DAB1: variants seen among roughly 807,000 people sequenced by gnomAD.
DAB1 encodes the protein DAB adaptor protein 1.
A neutral mutation model predicts 64.6 loss-of-function variants in DAB1; 15 were observed. That is an observed-to-expected ratio of 0.23 (90% CI 0.16 to 0.36). DAB1 has a LOEUF of 0.36. Ranked by LOEUF, DAB1 falls within the 10% of genes least tolerant of loss-of-function variation. DAB1 has a pLI of 1.00. For synonymous variants in DAB1, 235 were observed against 251.9 expected (o/e 0.93, Z 0.64); for missense variants, 596 against 706.7 (o/e 0.84, Z 1.78).
In DAB1 at chr1:58,241,358, G is replaced by A. The variant is rs559551422; in HGVS notation, n.310-90770C>T. Among the ~76,000 whole-genome samples, 7 of 140,866 alleles carry A rather than the reference G, an allele frequency of 5.0e-5. No individual in the cohort carries two copies. In the South Asian group the frequency reaches 1.8e-3, roughly 36 times the overall value. The allele number at this position is 140,866 out of a possible 152,430, so 92.4% of individuals were successfully genotyped here. A position where few individuals can be genotyped will look rare whatever the true frequency, so the allele number is the denominator to read the frequency against. The stretch of plus-strand genomic sequence containing the variant: ...AACAAATCATTTCCTACAATCCATT[G>A]TTAAATGAAATACATTTGGATAGTC... On this transcript the variant is annotated intron_variant and non_coding_transcript_variant, in intron 4 of 20. Coordinates refer to the DAB1 transcript ENST00000485760.
rs189858046 is a variant in DAB1, at chr1:57,552,973, G to A, written n.625+96619C>T. ...AGGGGCCGATTGTATGAGGCTTCTGGGAAAGAGTAGAGGAAGGAGACTGGG... is the reference window on the plus strand; with the variant it reads ...AGGGGCCGATTGTATGAGGCTTCTGAGAAAGAGTAGAGGAAGGAGACTGGG... On this transcript the variant is annotated intron_variant and non_coding_transcript_variant, in intron 7 of 20. Transcript: ENST00000485760. 1.7e-3 allele frequency among the ~76,000 whole-genome samples: 263 copies of A among 152,224 alleles called. 1 individual carries two copies. Among genetic ancestry groups the A allele is most frequent in the Middle Eastern group, 3.4e-3 (1 of 294 alleles).
intron 1 of DAB1, among the ~76,000 whole-genome samples, chr1:57,879,044 C>G (rs1644100688): frequency 6.6e-6 from 1 of 152,042 alleles, no homozygotes; most frequent in African/African-American, 2.4e-5. Context: ...CATTTTGTAT[C>G]TATATCTCAT....
intron 4 of DAB1, among the ~76,000 whole-genome samples, chr1:58,339,779 CAG>C (rs1663207765): frequency 6.6e-6 from 1 of 152,124 alleles, no homozygotes; most frequent in Non-Finnish European, 1.5e-5. Context: ...ATTTTCCAAA[CAG>C]AAATATTTTA....
upstream of DAB1, among the ~76,000 whole-genome samples, chr1:57,887,784 T>C (rs999102291): frequency 5.3e-5 from 8 of 152,102 alleles, no homozygotes; most frequent in African/African-American, 1.9e-4. Context: ...CCCAAATGAA[T>C]ATAATCTCCT....
intron 5 of DAB1, among the ~76,000 whole-genome samples, chr1:57,989,247 C>T (rs1376758225): frequency 6.6e-6 from 1 of 151,980 alleles, no homozygotes; most frequent in Non-Finnish European, 1.5e-5. Context: ...TACCTGATCC[C>T]CCTCCTCTCG....
chr1:58,150,234 C>A (rs1654844187), intron 5 of DAB1, among the ~76,000 whole-genome samples: 1 of 152,168 alleles, frequency 6.6e-6, no homozygotes, highest in African/African-American at 2.4e-5. Context: ...CCAAGGCACC[C>A]ACATATTCTC....
At chr1:58,015,175 C>T (rs563729017) in intron 5 of DAB1, among the ~76,000 whole-genome samples, 169 of 152,326 alleles carry the variant, frequency 1.1e-3, no homozygotes, top group Admixed American at 2.7e-3. Context: ...AGTGTCTTTG[C>T]CATTTTGGCC....
At chr1:57,012,018 C>T (rs1479747834) in intron 12 of DAB1, among the ~76,000 whole-genome samples, 3 of 152,116 alleles carry the variant, frequency 2.0e-5, no homozygotes, top group Non-Finnish European at 4.4e-5. Context: ...CTGGGCTGAC[C>T]CACCCACATC....
At position 58,093,816 on chromosome 1, in the gene DAB1, C is replaced by T. The variant is rs181521725; in HGVS notation, n.387+56695G>A. Among the ~76,000 whole-genome samples, 6 of 152,214 alleles carry T rather than the reference C, an allele frequency of 3.9e-5. No homozygotes were observed. The East Asian group carries it at 1.2e-3, about 29-fold the overall frequency. Reference sequence around the variant, plus strand: ...ACTACTTGAGACTGGGAACGGGAGCCTAGGATGGGCTCCTGGCACAGGGAG... The same window carrying T: ...ACTACTTGAGACTGGGAACGGGAGCTTAGGATGGGCTCCTGGCACAGGGAG... On this transcript the variant is annotated intron_variant and non_coding_transcript_variant, in intron 5 of 20. Transcript: ENST00000485760.
At chr1:57,017,186 C>T (rs17114822) in intron 11 of DAB1, among the ~76,000 whole-genome samples, 1,795 of 152,186 alleles carry the variant, frequency 0.012, 38 homozygotes, top group African/African-American at 0.041. Context: ...ACACAATGGC[C>T]ACCTCTATGT....
chr1:57,474,337 T>C (rs1449240023), intron 7 of DAB1, among the ~76,000 whole-genome samples: 1 of 152,238 alleles, frequency 6.6e-6, no homozygotes, highest in Non-Finnish European at 1.5e-5. Flanking sequence ...TGCCTCTGTT[T>C]CTTCCATCTT....
intron 3 of DAB1, among the ~76,000 whole-genome samples, chr1:58,491,453 A>T (rs1645687721): frequency 1.3e-5 from 2 of 152,188 alleles, no homozygotes; most frequent in Admixed American, 6.5e-5. Context: ...TGTTCCAATC[A>T]AAAGACACAG....
At chr1:57,031,079 G>C (rs1008823031) in intron 9 of DAB1, among the ~76,000 whole-genome samples, 1 of 152,126 alleles carries the variant, frequency 6.6e-6, no homozygotes, top group African/African-American at 2.4e-5. Flanking sequence ...TCATACTTGA[G>C]ATATAGACTT....
intron 1 of DAB1, among the ~76,000 whole-genome samples, chr1:57,348,107 G>A (rs1225310379): frequency 2.6e-5 from 4 of 152,096 alleles, no homozygotes; most frequent in East Asian, 1.9e-4. Context: ...AATTTACCTC[G>A]AATAACATAT....
chr1:57,024,260 A>G (rs1199201457), intron 10 of DAB1, among the ~76,000 whole-genome samples: 1 of 152,166 alleles, frequency 6.6e-6, no homozygotes, highest in Non-Finnish European at 1.5e-5. Context: ...ACAACAAGAA[A>G]CAATGCTTGC....
intron 7 of DAB1, among the ~76,000 whole-genome samples, chr1:57,540,934 A>AT (rs1369171947): frequency 5.9e-5 from 9 of 152,304 alleles, no homozygotes; most frequent in African/African-American, 1.9e-4. Flanking sequence ...ATACTTAACA[A>AT]CAATGTACTG....
chr1:57,641,777 C>A (rs752786381), intron 7 of DAB1, among the ~76,000 whole-genome samples: 15 of 152,092 alleles, frequency 9.9e-5, no homozygotes, highest in Non-Finnish European at 1.5e-4. Flanking sequence ...CTATTCAAAT[C>A]TTTTCCTTTG....
rs187005915 is a variant in DAB1, at chr1:58,069,949, G to T, written n.387+80562C>A. 8.9e-4 allele frequency among the ~76,000 whole-genome samples: 135 copies of T among 152,262 alleles called. 1 individual carries two copies. The highest frequency in any genetic ancestry group is 3.2e-3 in the African/African-American group (133 of 41,566). Reference sequence around the variant, plus strand: ...GGAGACATAGAAAGCTGCTGCCCTTGCCCACAGAGTCAGTGCCCCAGGCAT... The same window carrying T: ...GGAGACATAGAAAGCTGCTGCCCTTTCCCACAGAGTCAGTGCCCCAGGCAT... On this transcript the variant is annotated intron_variant and non_coding_transcript_variant, in intron 5 of 20. Transcript: ENST00000485760.
chr1:57,432,248 T>C (rs1419033201), intron 7 of DAB1, among the ~76,000 whole-genome samples: 2 of 152,148 alleles, frequency 1.3e-5, no homozygotes, highest in Admixed American at 1.3e-4. Flanking sequence ...ATGACAGATA[T>C]GTGTTGTCTG....
Sources: gnomAD v4.1 joint callset for allele counts (sites outside exome capture counted in the v4.1 genomes callset) on GRCh38, gnomAD v4.1.1 for gene constraint, MANE v1.5 for transcripts, NCBI Gene and HGNC (gene_info 2026-07-23, HGNC 2026-07-21) for gene names.